Variants in SMARCC1 observed in about 807,000 individuals in gnomAD.
The protein encoded by SMARCC1 is SWI/SNF complex subunit SMARCC1.
Under a neutral mutation model 147.4 loss-of-function variants are expected in SMARCC1, and 43 were observed. The observed-to-expected ratio is 0.29, with a 90% CI of 0.23 to 0.38. The LOEUF is 0.38. SMARCC1 is among the 10% of genes least tolerant of loss of function. The probability of loss-of-function intolerance (pLI) is 1.00; values close to 1 mark genes in which losing one functional copy is unlikely to be tolerated. For missense variants in SMARCC1, 1,119 were observed against 1,381.1 expected, an observed-to-expected ratio of 0.81 and a Z score of 3.01; for synonymous variants, 495 against 484.4, an observed-to-expected ratio of 1.02 and a Z score of -0.29.
At chr3:47,706,555 G>A (rs1209100210) in intron 9 of SMARCC1, 25 bp from the exon 10 acceptor site, 3 of 1,521,602 alleles carry the variant, frequency 2.0e-6, no homozygotes, top group Admixed American at 2.3e-5. Context: ...ATGGAAATAA[G>A]TATCAGCTAT....
intron 2 of SMARCC1, among the ~76,000 whole-genome samples, chr3:47,767,226 TTTTTC>T (rs1456631493): frequency 5.4e-5 from 8 of 148,808 alleles, no homozygotes; most frequent in Non-Finnish European, 1.0e-4. Flanking sequence ...CACTCTGATT[TTTTTC>T]TTTTCCTTTT....
intron 11 of SMARCC1, among the ~76,000 whole-genome samples, chr3:47,697,456 C>G (rs1204025632): frequency 1.2e-4 from 18 of 151,742 alleles, no homozygotes. Flanking sequence ...TATGCGCCAC[C>G]ACGCCAGGCT....
intron 21 of SMARCC1, among the ~76,000 whole-genome samples, chr3:47,656,807 G>C (rs2033267746): frequency 6.6e-6 from 1 of 152,184 alleles, no homozygotes; most frequent in African/African-American, 2.4e-5. Context: ...CCAGCTACTT[G>C]AGAGGCTAAG....
chr3:47,775,050 C>T (rs1434190554), intron 1 of SMARCC1, among the ~76,000 whole-genome samples: 2 of 152,110 alleles, frequency 1.3e-5, no homozygotes, highest in African/African-American at 2.4e-5. Flanking sequence ...GTGATTCTCT[C>T]ACTTTGGCCT....
At chr3:47,686,976 C>A (rs1258470919) in intron 13 of SMARCC1, among the ~76,000 whole-genome samples, 1 of 151,872 alleles carries the variant, frequency 6.6e-6, no homozygotes, top group Admixed American at 6.6e-5. Context: ...AGGCAAGACC[C>A]TGCCTCAAAA....
intron 26 of SMARCC1, chr3:47,603,429 GAA>G (rs573770992): frequency 1.5e-5 from 2 of 137,838 alleles, no homozygotes; most frequent in Non-Finnish European, 3.2e-5. Context: ...TCTAAAAAAA[GAA>G]AAAAAAAAAA....
intron 25 of SMARCC1, among the ~76,000 whole-genome samples, chr3:47,615,619 T>C (rs978979783): frequency 1.3e-5 from 2 of 152,196 alleles, no homozygotes; most frequent in Non-Finnish European, 2.9e-5. Flanking sequence ...AGGGTCTGGG[T>C]TTCTCACAGT....
intron 21 of SMARCC1, among the ~76,000 whole-genome samples, chr3:47,653,087 A>G (rs1350595395): frequency 6.6e-6 from 1 of 151,666 alleles, no homozygotes; most frequent in East Asian, 1.9e-4. Context: ...CCTCCCGAGT[A>G]GCTGGGACTA....
rs1192622925 is a variant in SMARCC1 at position 47,778,289 on chromosome 3, G to A, written c.195+3314C>T. Among the ~76,000 whole-genome samples, 9 of 140,278 alleles carry A rather than the reference G, an allele frequency of 6.4e-5. No homozygotes were observed. The East Asian group carries it at 1.6e-3, about 25-fold the overall frequency. The allele number at this position is 140,278 out of a possible 152,430, so 92.0% of individuals were successfully genotyped here. On this transcript the variant is annotated intron_variant, in intron 1 of 27. Coordinates refer to ENST00000254480, the MANE Select transcript of SMARCC1 (RefSeq NM_003074.4). ...TAAACAATTAATCTGGTTTTTTTTTGTTTTTGTTTTTTGTTTTGTTTTGTT... is the reference window on the plus strand; with the variant it reads ...TAAACAATTAATCTGGTTTTTTTTTATTTTTGTTTTTTGTTTTGTTTTGTT...
In SMARCC1 at chr3:47,654,765, G is replaced by A. The variant is rs1019031770; in HGVS notation, c.2320+6529C>T. 2.6e-4 allele frequency among the ~76,000 whole-genome samples: 39 copies of A among 152,194 alleles called. 1 individual carries two copies. The highest frequency in any genetic ancestry group is 2.6e-3 in the Admixed American group (39 of 15,282). Reference sequence around the variant, plus strand: ...TATAACAACCCACTCTGAGGCGAATGAATCCATTACTGGGATAACTAATCC... The same window carrying A: ...TATAACAACCCACTCTGAGGCGAATAAATCCATTACTGGGATAACTAATCC... On this transcript the variant is annotated intron_variant, in intron 21 of 27. Transcript: ENST00000254480.
At chr3:47,780,773 T>C (rs1426806736) in intron 1 of SMARCC1, among the ~76,000 whole-genome samples, 1 of 151,966 alleles carries the variant, frequency 6.6e-6, no homozygotes, top group African/African-American at 2.4e-5. Flanking sequence ...TTCGGCTACC[T>C]GCTTCATTAC....
At chr3:47,665,939 C>A (rs1385348330) in intron 19 of SMARCC1, among the ~76,000 whole-genome samples, 2 of 151,942 alleles carry the variant, frequency 1.3e-5, no homozygotes, top group African/African-American at 4.8e-5. Context: ...TCCATCTCAG[C>A]CTCATAGATC....
intron 26 of SMARCC1, among the ~76,000 whole-genome samples, chr3:47,597,823 A>C (rs2032315767): frequency 6.6e-6 from 1 of 152,214 alleles, no homozygotes; most frequent in African/African-American, 2.4e-5. Flanking sequence ...AAGGGCGAGC[A>C]TGGAGCTGAG....
chr3:47,652,659 T>G (rs1177300516), intron 21 of SMARCC1, among the ~76,000 whole-genome samples: 1 of 148,336 alleles, frequency 6.7e-6, no homozygotes, highest in Non-Finnish European at 1.5e-5. Flanking sequence ...CTCCAAAGGA[T>G]TCTCCTGAAA....
chr3:47,772,654 C>T (rs183496982), intron 2 of SMARCC1, among the ~76,000 whole-genome samples, 163 bp downstream of exon 2: 41 of 151,916 alleles, frequency 2.7e-4, no homozygotes, highest in South Asian at 8.3e-4. Context: ...AAAGCAGCTT[C>T]CTACAGTTAA....
At chr3:47,763,744 A>G (rs1410791049) in intron 2 of SMARCC1, among the ~76,000 whole-genome samples, 2 of 151,870 alleles carry the variant, frequency 1.3e-5, no homozygotes, top group Non-Finnish European at 2.9e-5. Flanking sequence ...TTTCTCAAAC[A>G]GGGACTCACT....
At chr3:47,712,937 A>G (rs2034106421) in intron 8 of SMARCC1, among the ~76,000 whole-genome samples, 1 of 152,198 alleles carries the variant, frequency 6.6e-6, no homozygotes, top group Admixed American at 6.6e-5. Context: ...AGTACTTCAC[A>G]ACATTACATG....
chr3:47,687,594 TTTAG>T (rs2033741236), intron 13 of SMARCC1, among the ~76,000 whole-genome samples: 1 of 152,200 alleles, frequency 6.6e-6, no homozygotes, highest in Non-Finnish European at 1.5e-5. Flanking sequence ...GACTTTCCTT[TTTAG>T]CTGGGACCAT....
In SMARCC1 at chr3:47,660,916, C is replaced by A. The variant is rs552918960; in HGVS notation, c.2320+378G>T. On this transcript the variant is annotated intron_variant, in intron 21 of 27. Coordinates refer to ENST00000254480, the MANE Select transcript of SMARCC1 (RefSeq NM_003074.4). ...AGGAATTTTTCCTCAGCTAAAAAAA[C>A]CCCCAAAACAATGAATTTAAACCCA... Among the ~76,000 whole-genome samples, 57 of 152,202 alleles carry A rather than the reference C, an allele frequency of 3.7e-4. 1 individual carries two copies. The highest frequency in any genetic ancestry group is 1.3e-3 in the African/African-American group (54 of 41,526).
Sources: gnomAD v4.1 joint callset for allele counts (sites outside exome capture counted in the v4.1 genomes callset) on GRCh38, gnomAD v4.1.1 for gene constraint, MANE v1.5 for transcripts, NCBI Gene and HGNC (gene_info 2026-07-23, HGNC 2026-07-21) for gene names.